Variants in COL11A2 observed in about 807,000 individuals in gnomAD.
COL11A2 encodes the protein collagen type XI alpha 2 chain.
COL11A2 carries 116 observed loss-of-function variants against 273.4 expected under a neutral mutation model. The ratio of observed to expected loss-of-function variants is 0.42; its 90% CI spans 0.36 to 0.49. The LOEUF (loss-of-function observed/expected upper bound fraction) is 0.49, where lower values mean the gene tolerates loss of function less well. COL11A2 is among the 20% of genes least tolerant of loss of function. The pLI is 0.00. For synonymous variants in COL11A2, 782 were observed against 864.2 expected (o/e 0.90, Z 1.67); for missense variants, 1,866 against 2,309.0 (o/e 0.81, Z 3.93).
rs919025404 is a variant in COL11A2 at position 33,179,662 on chromosome 6, C to T, written c.1446+57G>A. On this transcript the variant is annotated intron_variant, in intron 13 of 65. Coordinates refer to ENST00000341947, the MANE Select transcript of COL11A2 (RefSeq NM_080680.3). This position sits in a 1 kb window ranked among gnomAD's most constrained non-coding sequence, Gnocchi z 6.4. Reference sequence around the variant, plus strand: ...CTCCCCTGCCGCACACTCACTCCAGCCAACCCTTCCAGTGCCCCCCAGAGC... The same window carrying T: ...CTCCCCTGCCGCACACTCACTCCAGTCAACCCTTCCAGTGCCCCCCAGAGC... 2 of 1,595,756 alleles carry T rather than the reference C, an allele frequency of 1.3e-6. No individual in the cohort carries two copies. The highest frequency in any genetic ancestry group is 1.3e-5 in the African/African-American group (1 of 74,776).
In COL11A2 at chr6:33,185,724, T is replaced by C. The variant is rs757453954; in HGVS notation, c.853A>G (p.Thr285Ala). ...ACCTGATAATCAGGGGTTGTCCCCG[T>C]AGTCATCACATCATAATAGGGGGGC... ...YEPPYYDVMTTGTTPDYQDPT... is the reference protein window; with the variant it reads ...YEPPYYDVMTAGTTPDYQDPT... The change falls in exon 6 of 66, where the codon ACG becomes GCG. Residue 285 changes from threonine (T) to alanine (A), a missense_variant. Physicochemically the swap from Thr to Ala is moderately conservative, Grantham distance 58 (BLOSUM62 0). Transcript: ENST00000341947. The C allele has an allele frequency of 7.3e-7, 1 of 1,362,156 alleles. No homozygotes were observed. Among genetic ancestry groups the C allele is most frequent in the Non-Finnish European group, 9.8e-7 (1 of 1,018,880 alleles). 84.4% of individuals were successfully genotyped at this position (1,362,156 alleles called of 1,614,324 possible). A position where few individuals can be genotyped will look rare whatever the true frequency, so the allele number is the denominator to read the frequency against.
rs2855418 is a variant in COL11A2 at position 33,179,882 on chromosome 6, C to T, written c.1360-77G>A. The T allele has an allele frequency of 7.3e-6, 10 of 1,363,150 alleles. No homozygotes were observed. The highest frequency in any genetic ancestry group is 1.7e-5 in the Admixed American group (1 of 59,066). The allele number at this position is 1,363,150 out of a possible 1,614,324, so 84.4% of individuals were successfully genotyped here. On this transcript the variant is annotated intron_variant, in intron 12 of 65. Transcript: ENST00000341947. This position sits in a 1 kb window ranked among gnomAD's most constrained non-coding sequence, Gnocchi z 6.4. The stretch of plus-strand genomic sequence containing the variant: ...CCTCCCAGCCAGAGGCTTTCTCCAG[C>T]GTTTCTGCCCCTTGCCCCAGGTTCT...
In COL11A2 at chr6:33,170,605, C is replaced by T. The variant is rs927537693; in HGVS notation, c.3480G>A (p.Leu1160=). 6.2e-7 allele frequency: 1 copy of T among 1,612,528 alleles called. No individual in the cohort carries two copies. Among genetic ancestry groups the T allele is most frequent in the Non-Finnish European group, 8.5e-7 (1 of 1,179,788 alleles). Residue 1160 remains leucine, a synonymous_variant, in exon 47 of 66, where the codon TTG becomes TTA. Coordinates refer to ENST00000341947, the MANE Select transcript of COL11A2 (RefSeq NM_080680.3). This position sits in a 1 kb window ranked among gnomAD's most constrained non-coding sequence, Gnocchi z 4.3. ...CTCCCTTCTCCCCAGAGGGGCCTGGCAAACCCTGTGCAAGTATACAAAACA... is the reference window on the plus strand; with the variant it reads ...CTCCCTTCTCCCCAGAGGGGCCTGGTAAACCCTGTGCAAGTATACAAAACA... The part of the protein sequence containing the change: ...GPPGPIGLQG[L]PGPSGEKGET...
At chr6:33,184,579 G>A (rs539900642) in intron 7 of COL11A2, among the ~76,000 whole-genome samples, 2 of 152,344 alleles carry the variant, frequency 1.3e-5, no homozygotes, top group South Asian at 4.1e-4. Context: ...AGGGTGGCCA[G>A]AGGACTGGAT....
In COL11A2 at chr6:33,173,711, G is replaced by A. The variant is rs769591950; in HGVS notation, c.2618C>T (p.Pro873Leu). 6.4e-7 allele frequency: 1 copy of A among 1,573,216 alleles called. No homozygotes were observed. Among genetic ancestry groups the A allele is most frequent in the South Asian group, 1.2e-5 (1 of 84,282 alleles). ...TCGATCCACACTCACCCTCTCTCCA[G>A]GGGGCCCATGGGGGCCATCACCACC... is the stretch of plus-strand genomic sequence containing the variant. ...TSGGDGPHGP[P>L]GERGLPGPQG... The change falls in exon 35 of 66, where the codon CCT becomes CTT. Residue 873 changes from proline to leucine, a missense_variant. Transcript: ENST00000341947. The surrounding 1 kb of genome is among the most constrained non-coding windows in gnomAD (Gnocchi z 6.3).
At position 33,174,028 on chromosome 6, in the gene COL11A2, C is replaced by G; in HGVS notation, c.2512G>C (p.Gly838Arg). The G allele has an allele frequency of 6.2e-7, 1 of 1,614,024 alleles. No individual in the cohort carries two copies. Among genetic ancestry groups the G allele is most frequent in the Non-Finnish European group, 8.5e-7 (1 of 1,179,996 alleles). The change falls in exon 33 of 66, where the codon GGA (glycine) becomes CGA (arginine). Residue 838 changes from glycine (G) to arginine (R), a missense_variant. Gly to Arg is a moderately radical substitution (Grantham distance 125). Coordinates refer to ENST00000341947, the MANE Select transcript of COL11A2 (RefSeq NM_080680.3). The part of the protein sequence containing the change: ...RGLSGKSGPR[G>R]ERGPTGPRGQ... The stretch of plus-strand genomic sequence containing the variant: ...GCACTCACCGTGGGGCCCCGTTCTC[C>G]CCGAGGCCCTGACTTCCCCGACAGG...
In COL11A2 at chr6:33,179,402, T is replaced by C. The variant is rs768574455; in HGVS notation, c.1503+29A>G. On this transcript the variant is annotated intron_variant, in intron 14 of 65. Coordinates refer to ENST00000341947, the MANE Select transcript of COL11A2 (RefSeq NM_080680.3). This position sits in a 1 kb window ranked among gnomAD's most constrained non-coding sequence, Gnocchi z 6.4. ...CCACACCCCACACACAATTAAAGCA[T>C]CCTCCACCCGAGCACCCTGCTCACT... 1 of 1,567,190 alleles carries C rather than the reference T, an allele frequency of 6.4e-7. No homozygotes were observed. Among genetic ancestry groups the C allele is most frequent in the Non-Finnish European group, 8.6e-7 (1 of 1,156,342 alleles).
Position 33,170,318 on chromosome 6 carries a change from T to C in COL11A2, c.3582+8A>G. 6.2e-7 allele frequency: 1 copy of C among 1,613,248 alleles called. No individual in the cohort carries two copies. Among genetic ancestry groups the C allele is most frequent in the Non-Finnish European group, 8.5e-7 (1 of 1,179,736 alleles). ...TGGTCTCAAGGGACAGGGGCTGAGA[T>C]GACTCACATCAGCGCCATTGGGTCC... On this transcript the variant is annotated splice_region_variant and intron_variant, in intron 48 of 65. Transcript: ENST00000341947. This position sits in a 1 kb window ranked among gnomAD's most constrained non-coding sequence, Gnocchi z 4.3.
rs1193581555 is a variant in COL11A2, at chr6:33,169,724, C to T, written c.3690+107G>A. 29 of 1,384,524 alleles carry T rather than the reference C, an allele frequency of 2.1e-5. No individual in the cohort carries two copies. Among genetic ancestry groups the T allele is most frequent in the Non-Finnish European group, 2.9e-5 (28 of 971,078 alleles). 85.8% of individuals were successfully genotyped at this position (1,384,524 alleles called of 1,614,324 possible). ...CATAGAGGATGGCAGGGAGCAGAGA[C>T]TCTTGCTGCAGAGGAGTTCCAGCTC... On this transcript the variant is annotated intron_variant, in intron 50 of 65. Coordinates refer to ENST00000341947, the MANE Select transcript of COL11A2 (RefSeq NM_080680.3). The surrounding 1 kb of genome is among the most constrained non-coding windows in gnomAD (Gnocchi z 5.5).
chr6:33,181,540 T>C (rs1001625130), intron 8 of COL11A2, among the ~76,000 whole-genome samples: 1 of 152,168 alleles, frequency 6.6e-6, no homozygotes, highest in African/African-American at 2.4e-5. Context: ...AGTGGCGCGA[T>C]CTCGGCTCAC....
Position 33,167,651 on chromosome 6 carries a change from C to G in COL11A2, c.4015-118G>C. 1 of 1,458,782 alleles carries G rather than the reference C, an allele frequency of 6.9e-7. No homozygotes were observed. The highest frequency in any genetic ancestry group is 2.4e-5 in the East Asian group (1 of 42,326). 90.4% of individuals were successfully genotyped at this position (1,458,782 alleles called of 1,614,324 possible). On this transcript the variant is annotated intron_variant, in intron 55 of 65. Coordinates refer to ENST00000341947, the MANE Select transcript of COL11A2 (RefSeq NM_080680.3). The surrounding 1 kb of genome is among the most constrained non-coding windows in gnomAD (Gnocchi z 6.1). ...AGGAAGGGCCAAACTCTAGGAGCCC[C>G]TAGCGCAGGAACAAGTACAGGGAAC...
Position 33,192,276 on chromosome 6 carries a change from A to G in COL11A2, c.-36T>C. 6.5e-7 allele frequency: 1 copy of G among 1,544,802 alleles called. No individual in the cohort carries two copies. Among genetic ancestry groups the G allele is most frequent in the Non-Finnish European group, 8.7e-7 (1 of 1,143,014 alleles). On this transcript the variant is annotated 5_prime_UTR_variant, in exon 1 of 66. Coordinates refer to ENST00000341947, the MANE Select transcript of COL11A2 (RefSeq NM_080680.3). ...CCGAAACGCCGGGTCCCAGGGACCC[A>G]GGTCGGCCTGAGACGCTGGATGCCC...
chr6:33,176,313 G>C lies in COL11A2; in HGVS notation c.2170-10C>G. ...GAATTCCGTCCACACCCTAGAATTA[G>C]AGAGGGGATAGAAGTAGACTGATCA... On this transcript the variant is annotated splice_polypyrimidine_tract_variant and intron_variant, in intron 27 of 65. Transcript: ENST00000341947. This position sits in a 1 kb window ranked among gnomAD's most constrained non-coding sequence, Gnocchi z 4.9. 3 of 1,604,832 alleles carry C rather than the reference G, an allele frequency of 1.9e-6. No homozygotes were observed. Among genetic ancestry groups the C allele is most frequent in the Non-Finnish European group, 1.7e-6 (2 of 1,175,698 alleles).
chr6:33,184,391 A>G, intron 7 of COL11A2, 67 bp from the exon 8 acceptor site: 14 of 1,163,504 alleles, frequency 1.2e-5, no homozygotes, highest in Non-Finnish European at 1.5e-5. Flanking sequence ...CTTACCCTGG[A>G]CCCCAGGGTG....
In COL11A2 at chr6:33,164,835, G is replaced by A. The variant is rs62405684; in HGVS notation, c.4863+17C>T. On this transcript the variant is annotated intron_variant, in intron 64 of 65. Coordinates refer to ENST00000341947, the MANE Select transcript of COL11A2 (RefSeq NM_080680.3). The surrounding 1 kb of genome is among the most constrained non-coding windows in gnomAD (Gnocchi z 4.7). The stretch of plus-strand genomic sequence containing the variant: ...CACTATGGGGCAGGGGAGGGGCAGC[G>A]AGGGGCCAGCTCTCACCTGCGTGAC... The A allele has an allele frequency of 3.9e-6, 6 of 1,547,016 alleles. No homozygotes were observed. Among genetic ancestry groups the A allele is most frequent in the East Asian group, 2.4e-5 (1 of 41,062 alleles).
intron 4 of COL11A2, among the ~76,000 whole-genome samples, chr6:33,187,606 A>G (rs1772594331): frequency 6.6e-6 from 1 of 152,098 alleles, no homozygotes; most frequent in Admixed American, 6.6e-5. Flanking sequence ...GAATAAATGT[A>G]CGTATGGGAG....
At position 33,192,234 on chromosome 6, in the gene COL11A2, G is replaced by T. The variant is rs2150637487; in HGVS notation, c.7C>A (p.Arg3=). 1.3e-6 allele frequency: 2 copies of T among 1,558,942 alleles called. No homozygotes were observed. The highest frequency in any genetic ancestry group is 1.7e-6 in the Non-Finnish European group (2 of 1,151,708). ME[R]CSRCHRLLLL... The stretch of plus-strand genomic sequence containing the variant: ...AGGAGGCGATGGCAGCGGCTGCACC[G>T]CTCCATGGCTGAGAAGCCGAAACGC... Residue 3 remains arginine (R), a synonymous_variant, in exon 1 of 66, where the codon CGG becomes AGG. Transcript: ENST00000341947.
rs755564454 is a variant in COL11A2 at position 33,170,629 on chromosome 6, C to T, written c.3475-19G>A. 4.3e-6 allele frequency: 7 copies of T among 1,612,628 alleles called. 1 individual carries two copies. The highest frequency in any genetic ancestry group is 2.2e-5 in the South Asian group (2 of 91,074). ...GCAAACCCTGTGCAAGTATACAAAA[C>T]ATGGGCCCAGGTGACGACCCCACCC... is the stretch of plus-strand genomic sequence containing the variant. On this transcript the variant is annotated intron_variant, in intron 46 of 65. Coordinates refer to ENST00000341947, the MANE Select transcript of COL11A2 (RefSeq NM_080680.3). The surrounding 1 kb of genome is among the most constrained non-coding windows in gnomAD (Gnocchi z 4.3).
In COL11A2 at chr6:33,192,348, G is replaced by A; in HGVS notation, c.-108C>T. The A allele has an allele frequency of 1.8e-6, 2 of 1,123,396 alleles. No homozygotes were observed. Among genetic ancestry groups the A allele is most frequent in the Non-Finnish European group, 1.3e-6 (1 of 768,548 alleles). The allele number at this position is 1,123,396 out of a possible 1,614,324, so 69.6% of individuals were successfully genotyped here. ...AGCAGACTATGAGCCTCAGACGCCG[G>A]GGTCCCAGGGAGGTCAGAGGCTGCG... On this transcript the variant is annotated 5_prime_UTR_variant, in exon 1 of 66. Transcript: ENST00000341947.
Sources: allele counts gnomAD v4.1 joint callset (sites outside exome capture counted in the v4.1 genomes callset), GRCh38; gene constraint gnomAD v4.1.1; non-coding constraint Gnocchi (gnomAD v3.1); transcripts MANE v1.5; gene names NCBI Gene and HGNC (gene_info 2026-07-23, HGNC 2026-07-21).